ABAT: variants seen among roughly 807,000 people sequenced by gnomAD.
ABAT encodes 4-aminobutyrate aminotransferase, mitochondrial.
Under a neutral mutation model 64.6 loss-of-function variants are expected in ABAT, and 45 were observed. That is an observed-to-expected ratio of 0.70 (90% CI 0.55 to 0.89). ABAT has a LOEUF of 0.89. ABAT is among the 40% of genes least tolerant of loss of function. ABAT has a pLI of 0.00. For synonymous variants in ABAT, 297 were observed against 250.5 expected (o/e 1.19, Z -1.75); for missense variants, 633 against 658.4 (o/e 0.96, Z 0.42).
chr16:8,779,686 G>A, intron 15 of ABAT, 96 bp downstream of exon 15: 1 of 979,740 alleles, frequency 1.0e-6, no homozygotes, highest in South Asian at 1.3e-5. Context: ...TATTTTGTGT[G>A]GGGGGCAGGT....
At chr16:8,727,360 G>A (rs2058589484) in intron 1 of ABAT, among the ~76,000 whole-genome samples, 1 of 152,130 alleles carries the variant, frequency 6.6e-6, no homozygotes, top group South Asian at 2.1e-4. Context: ...CTCTCACTGT[G>A]CACCAGGATC....
chr16:8,686,308 T>G (rs1017357894), intron 1 of ABAT, among the ~76,000 whole-genome samples: 10 of 152,172 alleles, frequency 6.6e-5, no homozygotes, highest in Non-Finnish European at 1.2e-4. Flanking sequence ...GCCCTAAGTG[T>G]CCAGTCCTGC....
chr16:8,712,980 C>A (rs950863068), intron 1 of ABAT: 5 of 151,392 alleles, frequency 3.3e-5, no homozygotes, highest in African/African-American at 1.2e-4. Context: ...CTTGTGATCA[C>A]CCTCATTACC....
chr16:8,774,786 G>T, intron 12 of ABAT, 104 bp from the exon 13 acceptor site: 1 of 1,407,062 alleles, frequency 7.1e-7, no homozygotes, highest in Non-Finnish European at 1.0e-6. Flanking sequence ...AAACAAGCAC[G>T]ATGTGTGTGG....
rs997959153 is a variant in ABAT, at chr16:8,783,371, G to A, written c.*1941G>A. On this transcript the variant is annotated 3_prime_UTR_variant, in exon 16 of 16. Transcript: ENST00000268251. The stretch of plus-strand genomic sequence containing the variant: ...GCAGGCGCCAAGTGCTATGACAGAG[G>A]TGTGAATAAAAGCATCAGGAAATCG... 6.6e-6 allele frequency: 1 copy of A among 152,102 alleles called. No homozygotes were observed. Among genetic ancestry groups the A allele is most frequent in the Non-Finnish European group, 1.5e-5 (1 of 68,020 alleles). The allele number at this position is 152,102 out of a possible 1,614,324, so 9.4% of individuals were successfully genotyped here.
intron 1 of ABAT, among the ~76,000 whole-genome samples, chr16:8,733,568 G>C (rs1030637019): frequency 1.3e-5 from 2 of 151,904 alleles, no homozygotes; most frequent in Non-Finnish European, 2.9e-5. Flanking sequence ...ACGAGACTCC[G>C]TCTGTAATCC....
chr16:8,682,173 G>C (rs1331120369), intron 1 of ABAT, among the ~76,000 whole-genome samples: 1 of 142,798 alleles, frequency 7.0e-6, no homozygotes. Flanking sequence ...CAGATTGCTT[G>C]TGCCTAACAG....
At position 8,768,230 on chromosome 16, in the gene ABAT, T is replaced by C. The variant is rs149271402; in HGVS notation, c.641T>C (p.Met214Thr). ...GCPDYSILSF[M>T]GAFHGRTMGC... Reference sequence around the variant, plus strand: ...CCCGACTACAGCATCCTCTCCTTCATGGGCGCGTTCCATGGGAGGACCATG... The same window carrying C: ...CCCGACTACAGCATCCTCTCCTTCACGGGCGCGTTCCATGGGAGGACCATG... Residue 214 changes from methionine (M) to threonine (T), a missense_variant, in exon 10 of 16, where the codon ATG becomes ACG. Met to Thr is a moderately conservative substitution (Grantham distance 81). Transcript: ENST00000268251. The C allele has an allele frequency of 2.7e-3, 4,388 of 1,614,082 alleles. 13 individuals carry two copies. Among genetic ancestry groups the C allele is most frequent in the Non-Finnish European group, 3.1e-3 (3,630 of 1,180,014 alleles).
chr16:8,747,349 T>C (rs920781547), intron 3 of ABAT, among the ~76,000 whole-genome samples: 2 of 152,334 alleles, frequency 1.3e-5, no homozygotes, highest in Admixed American at 1.3e-4. Context: ...TCTTTTGTCA[T>C]TGCAACTATT....
At chr16:8,714,374 G>A (rs781196616) in intron 1 of ABAT, among the ~76,000 whole-genome samples, 1 of 152,232 alleles carries the variant, frequency 6.6e-6, no homozygotes, top group Non-Finnish European at 1.5e-5. Context: ...AGGGGGCGCT[G>A]TCACTGGGCA....
At chr16:8,695,889 T>C (rs928525218) in intron 1 of ABAT, among the ~76,000 whole-genome samples, 2 of 152,134 alleles carry the variant, frequency 1.3e-5, no homozygotes, top group South Asian at 2.1e-4. Context: ...AATTAAACAA[T>C]GCACAGAACC....
At chr16:8,710,428 G>T (rs1441529109) in intron 1 of ABAT, among the ~76,000 whole-genome samples, 1 of 152,016 alleles carries the variant, frequency 6.6e-6, no homozygotes, top group Non-Finnish European at 1.5e-5. Flanking sequence ...ACCTTGGGAG[G>T]TATGATCAAG....
At chr16:8,770,432 G>A (rs528148761) in intron 11 of ABAT, among the ~76,000 whole-genome samples, 1 of 145,502 alleles carries the variant, frequency 6.9e-6, no homozygotes, top group Non-Finnish European at 1.5e-5. Context: ...CCACCGCGCC[G>A]GCCTTCTTTT....
At chr16:8,750,171 T>C (rs1334369135) in intron 4 of ABAT, among the ~76,000 whole-genome samples, 4 of 151,764 alleles carry the variant, frequency 2.6e-5, no homozygotes, top group Non-Finnish European at 5.9e-5. Flanking sequence ...GTATCTCTTT[T>C]TTTGTTCTGA....
intron 1 of ABAT, among the ~76,000 whole-genome samples, chr16:8,692,385 C>T (rs1324028107): frequency 6.6e-6 from 1 of 152,026 alleles, no homozygotes; most frequent in East Asian, 1.9e-4. Context: ...CAAAAAAATA[C>T]ATTATAATTA....
At chr16:8,732,145 G>T (rs1286499688) in intron 1 of ABAT, among the ~76,000 whole-genome samples, 1 of 150,928 alleles carries the variant, frequency 6.6e-6, no homozygotes, top group East Asian at 1.9e-4. Context: ...GAGTCACCAT[G>T]CCCAGACCCT....
At chr16:8,771,810 G>A (rs2142992471) in intron 11 of ABAT, among the ~76,000 whole-genome samples, 1 of 152,056 alleles carries the variant, frequency 6.6e-6, no homozygotes, top group South Asian at 2.1e-4. Context: ...GTGTTGCACA[G>A]GCTGGAGTGC....
chr16:8,699,692 G>T (rs2057777228), intron 1 of ABAT, among the ~76,000 whole-genome samples: 1 of 152,140 alleles, frequency 6.6e-6, no homozygotes, highest in African/African-American at 2.4e-5. Flanking sequence ...CTCCTGAGTA[G>T]CTGGGACTAC....
At chr16:8,733,102 G>A (rs1213623968) in intron 1 of ABAT, among the ~76,000 whole-genome samples, 4 of 149,534 alleles carry the variant, frequency 2.7e-5, no homozygotes, top group African/African-American at 7.6e-5. Flanking sequence ...CTCCCGGATG[G>A]GGCGGCTGGC....
Sources: gnomAD v4.1 joint callset for allele counts (sites outside exome capture counted in the v4.1 genomes callset) on GRCh38, gnomAD v4.1.1 for gene constraint, MANE v1.5 for transcripts, NCBI Gene and HGNC (gene_info 2026-07-23, HGNC 2026-07-21) for gene names.